SBF2: variants seen among roughly 807,000 people sequenced by gnomAD.
SBF2 encodes the protein myotubularin-related protein 13.
SBF2 carries 112 observed loss-of-function variants against 225.2 expected under a neutral mutation model. The ratio of observed to expected loss-of-function variants is 0.50; its 90% CI spans 0.43 to 0.58. The LOEUF is 0.58. Among genes scored for constraint, SBF2 ranks in the 20% least tolerant of loss-of-function variants. The pLI, the probability that SBF2 is intolerant of heterozygous loss-of-function variation, is 0.00. For synonymous variants in SBF2, 763 were observed against 773.3 expected, an observed-to-expected ratio of 0.99 and a Z score of 0.22; for missense variants, 1,996 against 2,206.2, an observed-to-expected ratio of 0.90 and a Z score of 1.91.
At chr11:10,046,092 G>A (rs780899892) in intron 2 of SBF2, among the ~76,000 whole-genome samples, 3 of 152,110 alleles carry the variant, frequency 2.0e-5, no homozygotes, top group Non-Finnish European at 1.5e-5. Flanking sequence ...CAATATACAG[G>A]AGGATATGCA....
intron 16 of SBF2, among the ~76,000 whole-genome samples, chr11:9,918,459 T>A (rs756132261): frequency 2.0e-5 from 3 of 152,000 alleles, no homozygotes; most frequent in Non-Finnish European, 2.9e-5. Flanking sequence ...GCTGAAGCCA[T>A]CCTCCCACCT....
chr11:10,001,093 C>A, intron 7 of SBF2, 71 bp from the exon 8 acceptor site: 1 of 830,060 alleles, frequency 1.2e-6, no homozygotes, highest in Non-Finnish European at 2.1e-6. Context: ...CATCTTTATG[C>A]TGTGTTAAGT....
At chr11:10,097,013 TA>T (rs1479581196) in intron 2 of SBF2, among the ~76,000 whole-genome samples, 1 of 152,208 alleles carries the variant, frequency 6.6e-6, no homozygotes, top group Non-Finnish European at 1.5e-5. Flanking sequence ...TGCTATGGTC[TA>T]AAAGGCCCCT....
intron 2 of SBF2, among the ~76,000 whole-genome samples, chr11:10,154,862 A>C (rs147399150): frequency 6.6e-6 from 1 of 152,170 alleles, no homozygotes; most frequent in Non-Finnish European, 1.5e-5. Flanking sequence ...ATTCAGTCTC[A>C]GTGACAGCTG....
chr11:10,139,700 AG>A (rs1327500757), intron 2 of SBF2, among the ~76,000 whole-genome samples: 75 of 152,370 alleles, frequency 4.9e-4, no homozygotes, highest in African/African-American at 1.7e-3. Flanking sequence ...TTCAATAAAA[AG>A]GATGGTGTTA....
At chr11:10,265,439 T>C (rs543647153) in intron 1 of SBF2, among the ~76,000 whole-genome samples, 1 of 145,408 alleles carries the variant, frequency 6.9e-6, no homozygotes, top group East Asian at 2.1e-4. Context: ...GTTGTTTTTT[T>C]CTTGTAAATT....
chr11:9,795,882 T>A lies in SBF2; in HGVS notation c.4519A>T (p.Asn1507Tyr), dbSNP rs1853092027. ...LKFLAFHYVSNRFKTFLLDSD... is the reference protein window; with the variant it reads ...LKFLAFHYVSYRFKTFLLDSD... ...TCCAGGAGAAATGTTTTAAAGCGATTAGACACATAGTGGAAAGCCAAGAAC... is the reference window on the plus strand; with the variant it reads ...TCCAGGAGAAATGTTTTAAAGCGATAAGACACATAGTGGAAAGCCAAGAAC... Residue 1507 changes from asparagine to tyrosine, a missense_variant, in exon 33 of 40, where the codon AAT becomes TAT. Asn to Tyr is a moderately radical substitution (Grantham distance 143). Transcript: ENST00000256190. 3 of 1,613,756 alleles carry A rather than the reference T, an allele frequency of 1.9e-6. No individual in the cohort carries two copies. Among genetic ancestry groups the A allele is most frequent in the Non-Finnish European group, 2.5e-6 (3 of 1,179,752 alleles).
chr11:10,041,039 G>A (rs1002966005), intron 3 of SBF2, among the ~76,000 whole-genome samples: 1 of 152,026 alleles, frequency 6.6e-6, no homozygotes, highest in Admixed American at 6.6e-5. Flanking sequence ...AAGAAGAGGG[G>A]TGAATAGTGA....
chr11:9,845,431 GC>G (rs1856469732), intron 24 of SBF2, 133 bp downstream of exon 24: 4 of 830,066 alleles, frequency 4.8e-6, no homozygotes, highest in African/African-American at 1.7e-5. Context: ...TATGATCTTG[GC>G]CCCATGGGCT....
intron 13 of SBF2, among the ~76,000 whole-genome samples, chr11:9,976,976 T>C (rs1356585164): frequency 6.6e-6 from 1 of 151,998 alleles, no homozygotes; most frequent in African/African-American, 2.4e-5. Flanking sequence ...TTCACCGTGG[T>C]CTCGATTTCC....
At chr11:10,233,252 A>G (rs891079543) in intron 1 of SBF2, among the ~76,000 whole-genome samples, 2 of 152,146 alleles carry the variant, frequency 1.3e-5, no homozygotes, top group Non-Finnish European at 2.9e-5. Flanking sequence ...CATTTCTATC[A>G]ATTCTTTCCA....
chr11:10,009,561 C>T (rs1264338925), intron 6 of SBF2, among the ~76,000 whole-genome samples: 1 of 152,210 alleles, frequency 6.6e-6, no homozygotes, highest in Non-Finnish European at 1.5e-5. Flanking sequence ...TTTCCAGCTT[C>T]ATCCATGTCT....
chr11:9,905,963 T>C (rs1457254604), intron 16 of SBF2, among the ~76,000 whole-genome samples: 1 of 152,212 alleles, frequency 6.6e-6, no homozygotes, highest in Non-Finnish European at 1.5e-5. Context: ...TCAGGCCATG[T>C]AGGAAAACAC....
At chr11:9,838,689 T>C (rs771721856) in intron 26 of SBF2, 4 of 152,194 alleles carry the variant, frequency 2.6e-5, no homozygotes, top group East Asian at 1.9e-4. Flanking sequence ...TTCTAAAATA[T>C]GTACAAAGCT....
At chr11:10,016,212 G>T (rs1390031747) in intron 6 of SBF2, among the ~76,000 whole-genome samples, 1 of 152,156 alleles carries the variant, frequency 6.6e-6, no homozygotes, top group East Asian at 1.9e-4. Flanking sequence ...AGGGAGGCCT[G>T]CAGTTGTAAG....
chr11:9,831,196 G>A (rs1390786591), intron 27 of SBF2, among the ~76,000 whole-genome samples: 1 of 151,940 alleles, frequency 6.6e-6, no homozygotes, highest in Non-Finnish European at 1.5e-5. Flanking sequence ...ATGGGGTTTT[G>A]CCATGTTGCC....
At chr11:9,887,015 T>A (rs1220298998) in intron 17 of SBF2, among the ~76,000 whole-genome samples, 1 of 152,162 alleles carries the variant, frequency 6.6e-6, no homozygotes, top group Non-Finnish European at 1.5e-5. Flanking sequence ...GACATCAATG[T>A]CTACTGAACT....
intron 2 of SBF2, among the ~76,000 whole-genome samples, chr11:10,145,482 G>C (rs1177608825): frequency 3.3e-5 from 5 of 151,950 alleles, no homozygotes; most frequent in African/African-American, 1.2e-4. Context: ...CATCTTGATG[G>C]GAGGGGTATA....
At chr11:10,251,266 C>T (rs1421864089) in intron 1 of SBF2, among the ~76,000 whole-genome samples, 1 of 152,180 alleles carries the variant, frequency 6.6e-6, no homozygotes, top group Non-Finnish European at 1.5e-5. Flanking sequence ...GAAGCCTTCA[C>T]TCTTCTAGAA....
Sources: gnomAD v4.1 joint callset for allele counts (sites outside exome capture counted in the v4.1 genomes callset) on GRCh38, gnomAD v4.1.1 for gene constraint, MANE v1.5 for transcripts, NCBI Gene and HGNC (gene_info 2026-07-23, HGNC 2026-07-21) for gene names.